POGLUT1: variants seen among roughly 807,000 people sequenced by gnomAD.
POGLUT1 encodes the protein protein O-glucosyltransferase 1.
In POGLUT1, 32 loss-of-function variants were observed where a neutral mutation model predicts 61.3. That is an observed-to-expected ratio of 0.52 (90% CI 0.39 to 0.70). POGLUT1 has a LOEUF of 0.70. Among genes scored for constraint, POGLUT1 ranks in the 30% least tolerant of loss-of-function variants. POGLUT1 has a pLI of 0.00. For missense variants in POGLUT1, 411 were observed against 469.8 expected (o/e 0.87, Z 1.16); for synonymous variants, 158 against 158.2 (o/e 1.00, Z 0.01).
At chr3:119,489,133 A>G in intron 8 of POGLUT1, 146 bp downstream of exon 8, 1 of 513,208 alleles carries the variant, frequency 1.9e-6, no homozygotes, top group South Asian at 2.9e-5. Context: ...CTCAGGGCCT[A>G]AATGCACTGA....
chr3:119,479,882 T>C (rs771009407), intron 4 of POGLUT1, 169 bp from the exon 5 acceptor site: 2 of 1,492,098 alleles, frequency 1.3e-6, no homozygotes, highest in African/African-American at 1.4e-5. Flanking sequence ...TAATCCATAG[T>C]CACTTTTGCC....
intron 4 of POGLUT1, among the ~76,000 whole-genome samples, chr3:119,479,384 A>G (rs532632765): frequency 1.8e-4 from 27 of 152,358 alleles, no homozygotes; most frequent in African/African-American, 6.0e-4. Context: ...ATATTTATCA[A>G]GTATGTACAA....
intron 9 of POGLUT1, 83 bp downstream of exon 9, chr3:119,490,801 C>A: frequency 8.3e-7 from 1 of 1,206,882 alleles, no homozygotes; most frequent in South Asian, 1.5e-5. Flanking sequence ...TAAAACCAGT[C>A]ATGTAAGACA....
At position 119,477,320 on chromosome 3, in the gene POGLUT1, G is replaced by A. The variant is rs1413130441; in HGVS notation, c.328G>A (p.Gly110Ser). 3.1e-6 allele frequency: 5 copies of A among 1,613,924 alleles called. No homozygotes were observed. The highest frequency in any genetic ancestry group is 4.2e-6 in the Non-Finnish European group (5 of 1,179,944). Reference sequence around the variant, plus strand: ...GGTATGTCTGGTTGACAGGTGTAGTGGTGTTGAGCACTTTATTTTGGAAGT... The same window carrying A: ...GGTATGTCTGGTTGACAGGTGTAGTAGTGTTGAGCACTTTATTTTGGAAGT... ...NDCMFPSRCS[G>S]VEHFILEVIG... The change falls in exon 4 of 11, where the codon GGT becomes AGT. Residue 110 changes from glycine (G) to serine (S), a missense_variant. By Grantham distance (56) the Gly-to-Ser change is moderately conservative (BLOSUM62 0). Coordinates refer to ENST00000295588, the MANE Select transcript of POGLUT1 (RefSeq NM_152305.3).
chr3:119,481,271 C>T (rs1263238459), intron 5 of POGLUT1, among the ~76,000 whole-genome samples: 1 of 152,164 alleles, frequency 6.6e-6, no homozygotes, highest in Non-Finnish European at 1.5e-5. Flanking sequence ...ATGACTGAGA[C>T]ATGCCTTGGC....
At chr3:119,488,349 CAA>C (rs1300984920) in intron 7 of POGLUT1, 1 of 152,138 alleles carries the variant, frequency 6.6e-6, no homozygotes, top group East Asian at 1.9e-4. Flanking sequence ...CAGGTGATGT[CAA>C]GAGGTGAGCA....
At chr3:119,481,728 C>T (rs1014347033) in intron 5 of POGLUT1, among the ~76,000 whole-genome samples, 24 of 152,144 alleles carry the variant, frequency 1.6e-4, no homozygotes, top group Admixed American at 1.3e-4. Flanking sequence ...AATGAAGGTA[C>T]AGAAAGGTTT....
intron 5 of POGLUT1, among the ~76,000 whole-genome samples, chr3:119,482,405 A>C (rs983497257): frequency 1.3e-5 from 2 of 151,122 alleles, no homozygotes. Flanking sequence ...TTGTTTGTTT[A>C]TTTTTAAAAG....
At chr3:119,478,155 T>C (rs1032328371) in intron 4 of POGLUT1, 9 of 342,796 alleles carry the variant, frequency 2.6e-5, no homozygotes, top group Middle Eastern at 1.0e-3. Context: ...AGGAAAGCAT[T>C]TGGGGGTGAA....
At chr3:119,481,902 A>T (rs1027936760) in intron 5 of POGLUT1, among the ~76,000 whole-genome samples, 1 of 151,098 alleles carries the variant, frequency 6.6e-6, no homozygotes, top group Non-Finnish European at 1.5e-5. Flanking sequence ...AGAGGGGGGG[A>T]AAAAGGTGTG....
At chr3:119,471,221 A>C (rs569005471) in intron 2 of POGLUT1, 88 bp from the exon 3 acceptor site, 848 of 1,189,026 alleles carry the variant, frequency 7.1e-4, no homozygotes, top group Non-Finnish European at 9.4e-4. Context: ...TGTGTTCTCT[A>C]ATACGAAACC....
chr3:119,475,753 A>C (rs1035694271), intron 3 of POGLUT1, among the ~76,000 whole-genome samples: 1 of 151,562 alleles, frequency 6.6e-6, no homozygotes, highest in Non-Finnish European at 1.5e-5. Flanking sequence ...TGGAGGTTGC[A>C]GTCAGCTGAG....
intron 9 of POGLUT1, among the ~76,000 whole-genome samples, chr3:119,491,094 G>T (rs1273545592): frequency 6.6e-6 from 1 of 151,196 alleles, no homozygotes; most frequent in Non-Finnish European, 1.5e-5. Context: ...TTCATGACAG[G>T]AGGAGCTAGG....
intron 3 of POGLUT1, among the ~76,000 whole-genome samples, chr3:119,471,978 A>C (rs1473515487): frequency 2.0e-5 from 3 of 152,158 alleles, no homozygotes; most frequent in Non-Finnish European, 4.4e-5. Context: ...CAAATAATAC[A>C]ACAGAGTGAG....
intron 4 of POGLUT1, among the ~76,000 whole-genome samples, chr3:119,477,950 G>A (rs900059028): frequency 2.6e-5 from 4 of 152,210 alleles, no homozygotes; most frequent in East Asian, 1.9e-4. Context: ...TGTACAAGCC[G>A]TGCATTGAAG....
chr3:119,474,613 A>C (rs2081514755), intron 3 of POGLUT1, among the ~76,000 whole-genome samples: 1 of 152,184 alleles, frequency 6.6e-6, no homozygotes, highest in Admixed American at 6.6e-5. Flanking sequence ...AGGTGAGTGG[A>C]TCACTTGAGG....
chr3:119,475,152 T>C (rs1560031448), intron 3 of POGLUT1, among the ~76,000 whole-genome samples: 1 of 152,226 alleles, frequency 6.6e-6, no homozygotes, highest in Admixed American at 6.5e-5. Flanking sequence ...GTGTCTTGTA[T>C]ATCCTTCTAG....
intron 4 of POGLUT1, among the ~76,000 whole-genome samples, chr3:119,479,388 T>G (rs1336659449): frequency 2.6e-5 from 4 of 152,252 alleles, no homozygotes; most frequent in Non-Finnish European, 5.9e-5. Context: ...TTATCAAGTA[T>G]GTACAATGTG....
intron 7 of POGLUT1, among the ~76,000 whole-genome samples, chr3:119,487,813 C>T (rs1198021926): frequency 6.6e-5 from 10 of 151,956 alleles, no homozygotes; most frequent in Admixed American, 6.6e-4. Flanking sequence ...TGGTCTCAAC[C>T]CTGGCTGTGC....
Sources: gnomAD v4.1 joint callset for allele counts (sites outside exome capture counted in the v4.1 genomes callset) on GRCh38, gnomAD v4.1.1 for gene constraint, MANE v1.5 for transcripts, NCBI Gene and HGNC (gene_info 2026-07-23, HGNC 2026-07-21) for gene names.